SCAPER: variants seen among roughly 807,000 people sequenced by gnomAD.
The protein encoded by SCAPER is S-phase cyclin A associated protein in the ER, also known as S phase cyclin A-associated protein in the endoplasmic reticulum.
Under a neutral mutation model 182.2 loss-of-function variants are expected in SCAPER, and 98 were observed. That is an observed-to-expected ratio of 0.54 (90% confidence interval 0.46 to 0.64). SCAPER has a LOEUF of 0.64. Ranked by LOEUF, SCAPER falls within the 30% of genes least tolerant of loss-of-function variation. The pLI, the probability that SCAPER is intolerant of heterozygous loss-of-function variation, is 0.00. For synonymous variants in SCAPER, 605 were observed against 564.6 expected (o/e 1.07, Z -1.01); for missense variants, 1,432 against 1,690.0 (o/e 0.85, Z 2.68).
intron 25 of SCAPER, among the ~76,000 whole-genome samples, chr15:76,465,185 A>C (rs2049508445): frequency 6.6e-6 from 1 of 152,198 alleles, no homozygotes; most frequent in Non-Finnish European, 1.5e-5. Context: ...AACAACAAAC[A>C]GAAATTTATT....
chr15:76,376,418 A>G, intron 28 of SCAPER, 107 bp from the exon 29 acceptor site: 3 of 1,217,668 alleles, frequency 2.5e-6, no homozygotes, highest in South Asian at 3.2e-5. Flanking sequence ...GTGGTGGAAA[A>G]ACATGACATT....
At chr15:76,867,725 T>C (rs1036843671) in intron 2 of SCAPER, among the ~76,000 whole-genome samples, 2 of 152,186 alleles carry the variant, frequency 1.3e-5, no homozygotes, top group African/African-American at 4.8e-5. Flanking sequence ...CAAGCTATCA[T>C]CATCTCAAAC....
chr15:76,700,106 CA>C (rs1202087076), intron 20 of SCAPER, among the ~76,000 whole-genome samples: 1 of 152,190 alleles, frequency 6.6e-6, no homozygotes, highest in Non-Finnish European at 1.5e-5. Flanking sequence ...TGCAAGAAGG[CA>C]TGGCCAGGCA....
chr15:76,770,672 TGA>T (rs1325529088), intron 10 of SCAPER, among the ~76,000 whole-genome samples: 8 of 152,274 alleles, frequency 5.3e-5, no homozygotes, highest in Admixed American at 3.3e-4. Flanking sequence ...TATTTAAGGA[TGA>T]GAGTTTTCCT....
chr15:76,676,762 TATA>T (rs1369991240), intron 20 of SCAPER, among the ~76,000 whole-genome samples: 1 of 151,632 alleles, frequency 6.6e-6, no homozygotes. Context: ...CAATGCAGTT[TATA>T]TATAAATGTG....
chr15:76,736,188 A>G (rs985207785), intron 15 of SCAPER, among the ~76,000 whole-genome samples: 6 of 152,258 alleles, frequency 3.9e-5, no homozygotes, highest in Non-Finnish European at 8.8e-5. Flanking sequence ...ATGTCTAAAT[A>G]AACAATGTAC....
chr15:76,585,731 C>A (rs1243264131), intron 22 of SCAPER, among the ~76,000 whole-genome samples: 1 of 152,104 alleles, frequency 6.6e-6, no homozygotes, highest in African/African-American at 2.4e-5. Flanking sequence ...TTGAGCTACA[C>A]CCCTGTCTCA....
chr15:76,857,261 C>T (rs1006466426), intron 4 of SCAPER, among the ~76,000 whole-genome samples: 1 of 151,736 alleles, frequency 6.6e-6, no homozygotes, highest in African/African-American at 2.4e-5. Context: ...GGTGAAACCC[C>T]GTCTCTATTA....
At chr15:76,764,836 C>T (rs2151275530) in intron 14 of SCAPER, 125 bp downstream of exon 14, 2 of 594,678 alleles carry the variant, frequency 3.4e-6, no homozygotes, top group South Asian at 4.8e-5. Context: ...GATTAAAATG[C>T]TTTTATTTCC....
chr15:76,551,432 T>C (rs1314158902), intron 23 of SCAPER, among the ~76,000 whole-genome samples: 1 of 152,070 alleles, frequency 6.6e-6, no homozygotes, highest in Non-Finnish European at 1.5e-5. Flanking sequence ...TGGAGGACAT[T>C]ATGTTAAGTG....
At chr15:76,524,989 G>A (rs2043096775) in intron 23 of SCAPER, among the ~76,000 whole-genome samples, 1 of 151,994 alleles carries the variant, frequency 6.6e-6, no homozygotes, top group Admixed American at 6.6e-5. Flanking sequence ...TTTTCTGTAT[G>A]TATACCTAAA....
Position 76,764,967 on chromosome 15 carries a change from TA to T in SCAPER, c.1718del (p.Leu573Ter). On this transcript the variant is annotated frameshift_variant, in exon 14 of 32. Transcript: ENST00000563290. LOFTEE classifies it high-confidence loss of function. Reference protein sequence around the residue: ...EEKTLKLQKLLEREKDVRKWK... With the variant: ...EEKTLKLQKLXEREKDVRKWK... ...CTAAAAAATAAAAACTCACCCTTTCTAACAATTTCTGAAGCTTCAATGTTTT... is the reference window on the plus strand; with the variant it reads ...CTAAAAAATAAAAACTCACCCTTTCTACAATTTCTGAAGCTTCAATGTTTT... 1.3e-6 allele frequency: 2 copies of T among 1,580,088 alleles called. No individual in the cohort carries two copies. Among genetic ancestry groups the T allele is most frequent in the Admixed American group, 1.8e-5 (1 of 54,576 alleles).
chr15:76,796,637 C>T (rs1487164277), intron 7 of SCAPER, among the ~76,000 whole-genome samples: 1 of 152,144 alleles, frequency 6.6e-6, no homozygotes, highest in Admixed American at 6.5e-5. Flanking sequence ...GACACAGTTA[C>T]GTGCAGATCA....
chr15:76,799,836 C>T lies in SCAPER; in HGVS notation c.611+412G>A, dbSNP rs534226973. On this transcript the variant is annotated intron_variant, in intron 7 of 31. Transcript: ENST00000563290. ...GCTGTGGTAATAAATGGAGCTCACA[C>T]AAATGAAACTCCATTCCCCTGGTTA... is the stretch of plus-strand genomic sequence containing the variant. Among the ~76,000 whole-genome samples the T allele has an allele frequency of 2.6e-5, 4 of 152,218 alleles. 1 individual carries two copies. The highest frequency in any genetic ancestry group is 9.6e-5 in the African/African-American group (4 of 41,552).
chr15:76,791,098 A>G (rs1420418184), intron 8 of SCAPER, among the ~76,000 whole-genome samples: 1 of 152,198 alleles, frequency 6.6e-6, no homozygotes, highest in African/African-American at 2.4e-5. Flanking sequence ...GGCATTATCT[A>G]ACTATATTCT....
chr15:76,672,499 T>A (rs192150410), intron 20 of SCAPER, among the ~76,000 whole-genome samples: 1 of 151,786 alleles, frequency 6.6e-6, no homozygotes, highest in East Asian at 1.9e-4. Flanking sequence ...ACAACAGAAA[T>A]CACTATCTTA....
At chr15:76,350,174 A>T (rs923086452) in intron 31 of SCAPER, 3 of 152,238 alleles carry the variant, frequency 2.0e-5, no homozygotes, top group African/African-American at 7.2e-5. Flanking sequence ...TTGCAGACTA[A>T]TTCTTGCTCA....
Position 76,702,924 on chromosome 15 carries a change from G to A in SCAPER, c.2326C>T (p.His776Tyr). The A allele has an allele frequency of 6.2e-7, 1 of 1,611,106 alleles. No homozygotes were observed. The highest frequency in any genetic ancestry group is 8.5e-7 in the Non-Finnish European group (1 of 1,178,984). Residue 776 changes from histidine (H) to tyrosine (Y), a missense_variant, in exon 19 of 32, where the codon CAT becomes TAT. By Grantham distance (83) the His-to-Tyr change is moderately conservative. Around this residue, in one of 5 missense-constraint regions of SCAPER, gnomAD observed 718 missense variants for 799.7 expected, o/e 0.90. Transcript: ENST00000563290. ...TTGGGGGCATAATCAGTATTTGCATGTCGCCCACTGCTTAGCTCAGCAGCT... is the reference window on the plus strand; with the variant it reads ...TTGGGGGCATAATCAGTATTTGCATATCGCCCACTGCTTAGCTCAGCAGCT... ...EKAAELSSGR[H>Y]ANTDYAPKLT...
At chr15:76,568,342 A>T (rs1308039914) in intron 23 of SCAPER, among the ~76,000 whole-genome samples, 1 of 151,798 alleles carries the variant, frequency 6.6e-6, no homozygotes, top group Non-Finnish European at 1.5e-5. Context: ...TACTTGGTAG[A>T]GCAAATCTTC....
Sources: gnomAD v4.1 joint callset for allele counts (sites outside exome capture counted in the v4.1 genomes callset) on GRCh38, gnomAD v4.1.1 for gene constraint, gnomAD v4.1.1 regional missense constraint, MANE v1.5 for transcripts, NCBI Gene and HGNC (gene_info 2026-07-23, HGNC 2026-07-21) for gene names.